The following ZNF385D variants were observed in gnomAD, a reference collection of about 807,000 sequenced individuals.
The protein encoded by ZNF385D is zinc finger protein 659.
Under a neutral mutation model 35.8 loss-of-function variants are expected in ZNF385D, and 15 were observed. The observed-to-expected ratio is 0.42, with a 90% confidence interval of 0.28 to 0.64. The LOEUF (loss-of-function observed/expected upper bound fraction) is 0.64, where lower values mean the gene tolerates loss of function less well. Among genes scored for constraint, ZNF385D ranks in the 30% least tolerant of loss-of-function variants. The pLI is 0.23. For missense variants in ZNF385D, 474 were observed against 494.6 expected, an observed-to-expected ratio of 0.96 and a Z score of 0.39; for synonymous variants, 212 against 186.8, an observed-to-expected ratio of 1.13 and a Z score of -1.10.
intron 3 of ZNF385D, among the ~76,000 whole-genome samples, chr3:21,951,499 C>A (rs1012962171): frequency 1.3e-5 from 2 of 151,562 alleles, no homozygotes; most frequent in Non-Finnish European, 2.9e-5. Context: ...TCTGCAAACA[C>A]AGACAATTTG....
At chr3:22,338,626 G>A (rs139264190) in intron 2 of ZNF385D, among the ~76,000 whole-genome samples, 31 of 151,170 alleles carry the variant, frequency 2.1e-4, no homozygotes, top group Middle Eastern at 3.5e-3. Flanking sequence ...AGTACAGAAT[G>A]TAACAAGATT....
intron 3 of ZNF385D, among the ~76,000 whole-genome samples, chr3:21,858,486 A>G (rs1412859412): frequency 1.3e-5 from 2 of 151,810 alleles, no homozygotes; most frequent in Non-Finnish European, 2.9e-5. Flanking sequence ...TCATGAGAGT[A>G]GAGTCCTCAT....
chr3:21,853,282 G>C (rs1696502426), intron 3 of ZNF385D, among the ~76,000 whole-genome samples: 1 of 151,780 alleles, frequency 6.6e-6, no homozygotes, highest in Non-Finnish European at 1.5e-5. Flanking sequence ...ACAGTAAAAG[G>C]TCTGGAAAAG....
chr3:21,677,545 G>C (rs2066766940), intron 1 of ZNF385D, among the ~76,000 whole-genome samples: 1 of 152,002 alleles, frequency 6.6e-6, no homozygotes, highest in Admixed American at 6.6e-5. Context: ...CTATTCCTTA[G>C]AATTTGGGAG....
intron 3 of ZNF385D, among the ~76,000 whole-genome samples, chr3:22,167,954 G>C (rs547009045): frequency 6.6e-6 from 1 of 152,098 alleles, no homozygotes; most frequent in Non-Finnish European, 1.5e-5. Flanking sequence ...TCTACTTTAA[G>C]AATGTACTTT....
chr3:21,889,460 G>T (rs540978292), intron 3 of ZNF385D, among the ~76,000 whole-genome samples: 1 of 152,190 alleles, frequency 6.6e-6, no homozygotes, highest in Non-Finnish European at 1.5e-5. Flanking sequence ...ACCCAGTGGG[G>T]AGGGGTTCCA....
At chr3:22,192,102 TC>T (rs752873326) in intron 2 of ZNF385D, among the ~76,000 whole-genome samples, 8 of 152,148 alleles carry the variant, frequency 5.3e-5, no homozygotes, top group Non-Finnish European at 1.2e-4. Context: ...TAGTGCCCTG[TC>T]CCTAACCTCA....
intron 4 of ZNF385D, among the ~76,000 whole-genome samples, chr3:21,504,836 T>C (rs941050556): frequency 4.6e-5 from 7 of 152,056 alleles, no homozygotes. Context: ...CAGAGGTACA[T>C]TAAAGATTTC....
chr3:21,627,246 G>GCTGTGT (rs2065159087), intron 2 of ZNF385D, among the ~76,000 whole-genome samples: 1 of 139,424 alleles, frequency 7.2e-6, no homozygotes, highest in African/African-American at 2.8e-5. Context: ...AGAGGTGTAG[G>GCTGTGT]GTGTGTGTGT....
At chr3:22,002,165 TCAGAA>T (rs1695882103) in intron 3 of ZNF385D, among the ~76,000 whole-genome samples, 1 of 151,360 alleles carries the variant, frequency 6.6e-6, no homozygotes, top group Non-Finnish European at 1.5e-5. Context: ...AAGTTGATTT[TCAGAA>T]AAGATAAATA....
chr3:22,168,454 C>T (rs919993893), intron 3 of ZNF385D: 1 of 152,052 alleles, frequency 6.6e-6, no homozygotes, highest in Non-Finnish European at 1.5e-5. Context: ...CAATTGAATC[C>T]TGAATATCTG....
chr3:22,166,756 T>C (rs559990065), intron 3 of ZNF385D, among the ~76,000 whole-genome samples: 79 of 152,370 alleles, frequency 5.2e-4, no homozygotes, highest in African/African-American at 1.9e-3. Context: ...AACTCTGATT[T>C]GGGTTTCTAA....
intron 2 of ZNF385D, among the ~76,000 whole-genome samples, chr3:22,313,034 T>C (rs1703664112): frequency 6.6e-6 from 1 of 151,702 alleles, no homozygotes; most frequent in Non-Finnish European, 1.5e-5. Flanking sequence ...ATTAAGAAAA[T>C]GTGGCACATA....
chr3:21,757,082 T>C (rs1297491348), intron 3 of ZNF385D, among the ~76,000 whole-genome samples: 1 of 150,968 alleles, frequency 6.6e-6, no homozygotes, highest in Non-Finnish European at 1.5e-5. Flanking sequence ...TCCAAAATTC[T>C]AGATTTCACT....
At chr3:21,672,261 CTTTTCT>C (rs2066598378) in intron 1 of ZNF385D, among the ~76,000 whole-genome samples, 1 of 150,878 alleles carries the variant, frequency 6.6e-6, no homozygotes, top group African/African-American at 2.5e-5. Flanking sequence ...TTTTTCTTTT[CTTTTCT>C]TTTTTTCTCC....
intron 1 of ZNF385D, among the ~76,000 whole-genome samples, chr3:21,667,930 A>G (rs1372984278): frequency 2.0e-5 from 3 of 152,206 alleles, no homozygotes; most frequent in Non-Finnish European, 4.4e-5. Context: ...GGTTAAAAAA[A>G]CCTTCAAAGA....
intron 3 of ZNF385D, among the ~76,000 whole-genome samples, chr3:21,883,251 A>G (rs2125867458): frequency 6.6e-6 from 1 of 152,076 alleles, no homozygotes; most frequent in Non-Finnish European, 1.5e-5. Flanking sequence ...TGTGCCTAGG[A>G]AAAATTCAAA....
At chr3:21,530,608 A>T (rs1002437944) in intron 3 of ZNF385D, among the ~76,000 whole-genome samples, 2 of 152,188 alleles carry the variant, frequency 1.3e-5, no homozygotes, top group Non-Finnish European at 2.9e-5. Flanking sequence ...GGGTGTTTTC[A>T]TGATAACTTA....
chr3:22,221,910 C>T (rs757273001), intron 2 of ZNF385D, among the ~76,000 whole-genome samples: 5 of 152,010 alleles, frequency 3.3e-5, no homozygotes, highest in Non-Finnish European at 7.4e-5. Context: ...TCAGTGAATG[C>T]ATACAGAGAA....
Sources: gnomAD v4.1 joint callset for allele counts (sites outside exome capture counted in the v4.1 genomes callset) on GRCh38, gnomAD v4.1.1 for gene constraint, MANE v1.5 for transcripts, NCBI Gene and HGNC (gene_info 2026-07-23, HGNC 2026-07-21) for gene names.